KLHDC8A: variants seen among roughly 807,000 people sequenced by gnomAD.
KLHDC8A encodes kelch domain containing 8A, also known as kelch domain-containing protein 8A.
A neutral mutation model predicts 33.1 loss-of-function variants in KLHDC8A; 21 were observed. The ratio of observed to expected loss-of-function variants is 0.64; its 90% CI spans 0.45 to 0.91. The LOEUF (loss-of-function observed/expected upper bound fraction) is 0.91, where lower values mean the gene tolerates loss of function less well. Among genes scored for constraint, KLHDC8A ranks in the 40% least tolerant of loss-of-function variants. KLHDC8A has a pLI of 0.00. For synonymous variants in KLHDC8A, 173 were observed against 193.5 expected (o/e 0.89, Z 0.88); for missense variants, 435 against 483.3 (o/e 0.90, Z 0.94).
chr1:205,338,623 A>T lies in KLHDC8A; in HGVS notation c.758-27T>A, dbSNP rs916400038. The T allele has an allele frequency of 5.1e-6, 8 of 1,577,656 alleles. No individual in the cohort carries two copies. The African/African-American group carries it at 9.4e-5, about 19-fold the overall frequency. On this transcript the variant is annotated intron_variant, in intron 4 of 5. Coordinates refer to ENST00000367155, the MANE Select transcript of KLHDC8A (RefSeq NM_018203.3). ...TATAGGCCATGGATAATGGTGGGTT[A>T]TATAGACAGAATAAGATACAGACCA...
At position 205,356,732 on chromosome 1, in the gene KLHDC8A, G is replaced by A. The variant is rs915031186; in HGVS notation, c.-389C>T. 1 of 382,106 alleles carries A rather than the reference G, an allele frequency of 2.6e-6. No individual in the cohort carries two copies. The highest frequency in any genetic ancestry group is 2.1e-5 in the African/African-American group (1 of 47,972). The allele number at this position is 382,106 out of a possible 1,614,324, so 23.7% of individuals were successfully genotyped here. A position where few individuals can be genotyped will look rare whatever the true frequency, so the allele number is the denominator to read the frequency against. On this transcript the variant is annotated 5_prime_UTR_variant, in exon 1 of 6. Transcript: ENST00000367155. Reference sequence around the variant, plus strand: ...CCACTGCTGCTGCCTCTGGCTGATCGACTGGGATGCAGCCAGGCCCCTATG... The same window carrying A: ...CCACTGCTGCTGCCTCTGGCTGATCAACTGGGATGCAGCCAGGCCCCTATG...
At chr1:205,348,999 G>A (rs1181495176) in intron 1 of KLHDC8A, among the ~76,000 whole-genome samples, 8 of 152,166 alleles carry the variant, frequency 5.3e-5, no homozygotes, top group African/African-American at 1.9e-4. Flanking sequence ...GAGTGAGGCT[G>A]ACTCATCCAA....
At position 205,339,577 on chromosome 1, in the gene KLHDC8A, T is replaced by C; in HGVS notation, c.541+67A>G. On this transcript the variant is annotated intron_variant, in intron 3 of 5. Coordinates refer to ENST00000367155, the MANE Select transcript of KLHDC8A (RefSeq NM_018203.3). This position sits in a 1 kb window ranked among gnomAD's most constrained non-coding sequence, Gnocchi z 5.1. ...GAGGAGATGCTCAGCACACAGGCAC[T>C]GCTTCCTATGGGAACTGAGCCAAGG... 1 of 1,562,232 alleles carries C rather than the reference T, an allele frequency of 6.4e-7. No homozygotes were observed. Among genetic ancestry groups the C allele is most frequent in the Non-Finnish European group, 8.8e-7 (1 of 1,139,892 alleles).
At chr1:205,356,233 G>T (rs1359027844) in intron 1 of KLHDC8A, among the ~76,000 whole-genome samples, 1 of 152,222 alleles carries the variant, frequency 6.6e-6, no homozygotes, top group Non-Finnish European at 1.5e-5. Context: ...GCTGAATTCG[G>T]ATCAGAAGCC....
intron 1 of KLHDC8A, chr1:205,351,552 C>A (rs1404073644): frequency 4.7e-5 from 25 of 535,302 alleles, no homozygotes; most frequent in East Asian, 1.1e-4. Context: ...AAAATTAGGT[C>A]ATGTACATTT....
At chr1:205,355,952 G>C (rs1663255578) in intron 1 of KLHDC8A, among the ~76,000 whole-genome samples, 1 of 152,178 alleles carries the variant, frequency 6.6e-6, no homozygotes, top group Admixed American at 6.5e-5. Flanking sequence ...CTTAATTTTA[G>C]ACCCAGGGGC....
Position 205,339,445 on chromosome 1 carries a change from G to A in KLHDC8A, c.542-36C>T. On this transcript the variant is annotated intron_variant, in intron 3 of 5. Coordinates refer to ENST00000367155, the MANE Select transcript of KLHDC8A (RefSeq NM_018203.3). This position sits in a 1 kb window ranked among gnomAD's most constrained non-coding sequence, Gnocchi z 5.1. ...GAGCAGGATAGAGGTTGGGCAGAAG[G>A]GTTGTCCCTGAGGACAGCGACAGTG... 3 of 1,586,068 alleles carry A rather than the reference G, an allele frequency of 1.9e-6. No homozygotes were observed. Among genetic ancestry groups the A allele is most frequent in the Non-Finnish European group, 2.6e-6 (3 of 1,157,330 alleles).
chr1:205,337,342 C>G lies in KLHDC8A; in HGVS notation c.*57G>C, dbSNP rs1461880944. 7.1e-7 allele frequency: 1 copy of G among 1,399,612 alleles called. No individual in the cohort carries two copies. Among genetic ancestry groups the G allele is most frequent in the Non-Finnish European group, 1.0e-6 (1 of 988,924 alleles). The allele number at this position is 1,399,612 out of a possible 1,614,324, so 86.7% of individuals were successfully genotyped here. A position where few individuals can be genotyped will look rare whatever the true frequency, so the allele number is the denominator to read the frequency against. ...CCCGACTGCTTGGACAAGATCATTC[C>G]TCATGTTAAGAGTGAAGTGATATGG... is the stretch of plus-strand genomic sequence containing the variant. On this transcript the variant is annotated 3_prime_UTR_variant, in exon 6 of 6. Coordinates refer to ENST00000367155, the MANE Select transcript of KLHDC8A (RefSeq NM_018203.3).
Position 205,337,192 on chromosome 1 carries a change from G to A in KLHDC8A, c.*207C>T, listed in dbSNP as rs1489199075. 1 of 580,796 alleles carries A rather than the reference G, an allele frequency of 1.7e-6. No individual in the cohort carries two copies. The highest frequency in any genetic ancestry group is 3.1e-6 in the Non-Finnish European group (1 of 325,700). The allele number at this position is 580,796 out of a possible 1,614,324, so 36.0% of individuals were successfully genotyped here. On this transcript the variant is annotated 3_prime_UTR_variant, in exon 6 of 6. Coordinates refer to ENST00000367155, the MANE Select transcript of KLHDC8A (RefSeq NM_018203.3). Reference sequence around the variant, plus strand: ...TTCAGAGTCAGCTCTGCAGCTGGTGGAGTCATCTGTGCCTCTTACAGTTTT... The same window carrying A: ...TTCAGAGTCAGCTCTGCAGCTGGTGAAGTCATCTGTGCCTCTTACAGTTTT...
At position 205,343,212 on chromosome 1, in the gene KLHDC8A, G is replaced by T. The variant is rs756859232; in HGVS notation, c.376+17C>A. ...ACTTCCTTCTCTCTGGCCGCCCTCA[G>T]CCCTGGCCCCACTTGCCTTTGGCCG... On this transcript the variant is annotated intron_variant, in intron 2 of 5. Coordinates refer to ENST00000367155, the MANE Select transcript of KLHDC8A (RefSeq NM_018203.3). 6.4e-7 allele frequency: 1 copy of T among 1,569,300 alleles called. No homozygotes were observed. Among genetic ancestry groups the T allele is most frequent in the East Asian group, 2.3e-5 (1 of 44,240 alleles).
At position 205,337,381 on chromosome 1, in the gene KLHDC8A, T is replaced by C; in HGVS notation, c.*18A>G. ...GAAGTGATATGGTCCAGGGCAAAGG[T>C]ACTGAGCCCAGAGACAGCTAGGAGT... is the stretch of plus-strand genomic sequence containing the variant. On this transcript the variant is annotated 3_prime_UTR_variant, in exon 6 of 6. Transcript: ENST00000367155. 1 of 1,596,296 alleles carries C rather than the reference T, an allele frequency of 6.3e-7. No homozygotes were observed. Among genetic ancestry groups the C allele is most frequent in the Non-Finnish European group, 8.6e-7 (1 of 1,165,324 alleles).
chr1:205,352,152 G>A (rs912424519), intron 1 of KLHDC8A, among the ~76,000 whole-genome samples: 4 of 152,136 alleles, frequency 2.6e-5, no homozygotes, highest in African/African-American at 9.7e-5. Context: ...AAGGTCCCAG[G>A]CCTCTTTGCT....
rs141853047 is a variant in KLHDC8A at position 205,355,123 on chromosome 1, G to A, written c.-190+1410C>T. Among the ~76,000 whole-genome samples, 1,454 of 152,298 alleles carry A rather than the reference G, an allele frequency of 9.5e-3. 32 individuals carry two copies. Among genetic ancestry groups the A allele is most frequent in the South Asian group, 0.076 (365 of 4,830 alleles). ...AAGTGTATCACTCCCCCTCATCCTG[G>A]TGCTAGGCTGGTTATTCCAGTGTTC... On this transcript the variant is annotated intron_variant, in intron 1 of 5. Coordinates refer to ENST00000367155, the MANE Select transcript of KLHDC8A (RefSeq NM_018203.3).
At chr1:205,342,070 C>T (rs185170937) in intron 2 of KLHDC8A, among the ~76,000 whole-genome samples, 3 of 152,300 alleles carry the variant, frequency 2.0e-5, no homozygotes, top group African/African-American at 7.2e-5. Context: ...CTGCAGAACC[C>T]ATTCAGTGCC....
intron 5 of KLHDC8A, 23 bp downstream of exon 5, chr1:205,338,472 C>T: frequency 6.4e-7 from 1 of 1,573,786 alleles, no homozygotes; most frequent in Non-Finnish European, 8.7e-7. Context: ...CAATAAATTC[C>T]AGCGTGAAAG....
chr1:205,350,118 C>G (rs1461562966), intron 1 of KLHDC8A, among the ~76,000 whole-genome samples: 1 of 152,226 alleles, frequency 6.6e-6, no homozygotes, highest in Non-Finnish European at 1.5e-5. Context: ...GGTCTGGCCC[C>G]ACCAGCTCTC....
intron 1 of KLHDC8A, among the ~76,000 whole-genome samples, chr1:205,353,510 G>A (rs1663178995): frequency 1.3e-5 from 2 of 152,166 alleles, no homozygotes. Flanking sequence ...GGAACAAGGG[G>A]AATGCCACCT....
At chr1:205,338,452 A>T (rs1175457428) in intron 5 of KLHDC8A, 43 bp downstream of exon 5, 2 of 1,483,790 alleles carry the variant, frequency 1.3e-6, no homozygotes, top group Non-Finnish European at 1.9e-6. Flanking sequence ...TCCACTGAGC[A>T]CCAGAACCAC....
In KLHDC8A at chr1:205,339,707, G is replaced by A. The variant is rs777310830; in HGVS notation, c.478C>T (p.Pro160Ser). Residue 160 changes from proline to serine, a missense_variant, in exon 3 of 6, where the codon CCC (proline) becomes TCC (serine). By Grantham distance (74) the Pro-to-Ser change is moderately conservative (BLOSUM62 -1). Coordinates refer to ENST00000367155, the MANE Select transcript of KLHDC8A (RefSeq NM_018203.3). The surrounding 1 kb of genome is among the most constrained non-coding windows in gnomAD (Gnocchi z 5.1). ...MLKDMWVSLA[P>S]MPTPRYAATS... is the part of the protein sequence containing the mutation. ...GCAGCATATCTCGGGGTGGGCATGGGTGCTAGGGACACCCACATGTCCTTC... is the reference window on the plus strand; with the variant it reads ...GCAGCATATCTCGGGGTGGGCATGGATGCTAGGGACACCCACATGTCCTTC... 6.2e-6 allele frequency: 10 copies of A among 1,614,086 alleles called. No individual in the cohort carries two copies. Among genetic ancestry groups the A allele is most frequent in the African/African-American group, 4.0e-5 (3 of 74,934 alleles).
Sources: allele counts gnomAD v4.1 joint callset (sites outside exome capture counted in the v4.1 genomes callset), GRCh38; gene constraint gnomAD v4.1.1; non-coding constraint Gnocchi (gnomAD v3.1); transcripts MANE v1.5; gene names NCBI Gene and HGNC (gene_info 2026-07-23, HGNC 2026-07-21).